Variants in FBXO2 observed in about 807,000 individuals in gnomAD.
FBXO2 encodes the protein F-box only protein 2.
In FBXO2, 32 loss-of-function variants were observed where a neutral mutation model predicts 38.6. The observed-to-expected ratio is 0.83, with a 90% confidence interval of 0.62 to 1.11. FBXO2 has a LOEUF of 1.11. FBXO2 is among the 50% of genes most tolerant of loss of function. FBXO2 has a pLI of 0.00. For synonymous variants in FBXO2, 189 were observed against 182.9 expected (o/e 1.03, Z -0.27); for missense variants, 450 against 418.3 (o/e 1.08, Z -0.66).
intron 2 of FBXO2, 125 bp downstream of exon 2, chr1:11,650,341 T>TG (rs1273119602): frequency 2.1e-6 from 3 of 1,462,554 alleles, no homozygotes; most frequent in Admixed American, 4.5e-5. Flanking sequence ...TAGACAGCCT[T>TG]GGGGCTACCC....
chr1:11,649,018 C>A, intron 5 of FBXO2, 69 bp downstream of exon 5: 1 of 1,394,294 alleles, frequency 7.2e-7, no homozygotes, highest in Non-Finnish European at 9.8e-7. Context: ...GCGCTGTGGG[C>A]GGGGTCTCCT....
intron 1 of FBXO2, among the ~76,000 whole-genome samples, chr1:11,653,715 G>T (rs1639587877): frequency 6.6e-6 from 1 of 152,128 alleles, no homozygotes; most frequent in Non-Finnish European, 1.5e-5. Flanking sequence ...GAGTTGGAGG[G>T]ATGGGGGTGA....
rs558441975 is a variant in FBXO2 at position 11,648,970 on chromosome 1, T to TCTCAG, written c.756+112_756+116dup. ...AACTCTCTCCACCACCCGGTGACTA[T>TCTCAG]CTCAGCCCAGCCCAGCCCAGCCCAC... On this transcript the variant is annotated intron_variant, in intron 5 of 5. Coordinates refer to ENST00000354287, the MANE Select transcript of FBXO2 (RefSeq NM_012168.6). The surrounding 1 kb of genome is among the most constrained non-coding windows in gnomAD (Gnocchi z 4.2). The TCTCAG allele has an allele frequency of 3.2e-4, 294 of 918,274 alleles. 6 individuals carry two copies. In the South Asian group the frequency reaches 4.2e-3, roughly 13 times the overall value. The allele number at this position is 918,274 out of a possible 1,614,324, so 56.9% of individuals were successfully genotyped here. A position where few individuals can be genotyped will look rare whatever the true frequency, so the allele number is the denominator to read the frequency against.
Position 11,648,862 on chromosome 1 carries a change from G to A in FBXO2, c.757-34C>T. 6.2e-7 allele frequency: 1 copy of A among 1,610,982 alleles called. No homozygotes were observed. Among genetic ancestry groups the A allele is most frequent in the South Asian group, 1.1e-5 (1 of 91,022 alleles). ...GGAGGTAACAAGAGTCAGCCTCGGAGGTCCTGAGGCCTCTCCTGCCGCCCC... is the reference window on the plus strand; with the variant it reads ...GGAGGTAACAAGAGTCAGCCTCGGAAGTCCTGAGGCCTCTCCTGCCGCCCC... On this transcript the variant is annotated intron_variant, in intron 5 of 5. Coordinates refer to ENST00000354287, the MANE Select transcript of FBXO2 (RefSeq NM_012168.6). The surrounding 1 kb of genome is among the most constrained non-coding windows in gnomAD (Gnocchi z 4.2).
chr1:11,653,849 GA>G (rs1376962617), intron 1 of FBXO2, among the ~76,000 whole-genome samples: 1 of 152,188 alleles, frequency 6.6e-6, no homozygotes, highest in Non-Finnish European at 1.5e-5. Context: ...CCACCCCGGG[GA>G]GGGGCAGCCC....
In FBXO2 at chr1:11,649,722, C is replaced by T. The variant is rs1639480452; in HGVS notation, c.617+57G>A. On this transcript the variant is annotated intron_variant, in intron 4 of 5. Coordinates refer to ENST00000354287, the MANE Select transcript of FBXO2 (RefSeq NM_012168.6). ...CAGGCGGGGGGTTCCCCAGCTGGCTCTCCCCTCTGCCTTACCCCGCTCCTC... is the reference window on the plus strand; with the variant it reads ...CAGGCGGGGGGTTCCCCAGCTGGCTTTCCCCTCTGCCTTACCCCGCTCCTC... 4 of 1,563,756 alleles carry T rather than the reference C, an allele frequency of 2.6e-6. No individual in the cohort carries two copies. The East Asian group carries it at 6.8e-5, about 27-fold the overall frequency.
At position 11,649,097 on chromosome 1, in the gene FBXO2, C is replaced by T. The variant is rs1314628812; in HGVS notation, c.746G>A (p.Gly249Asp). ...GTCCCCCAGGCTCACCTCCATCCAG[C>T]CCCCGCCGTCACTGTCTTGGGGCAC... ...VAVPQDSDGG[G>D]WMEISHTFTD... is the part of the protein sequence containing the mutation. The change falls in exon 5 of 6, where the codon GGC (glycine) becomes GAC (aspartate). Residue 249 changes from glycine to aspartate, a missense_variant. Physicochemically the swap from Gly to Asp is moderately conservative, Grantham distance 94. Coordinates refer to ENST00000354287, the MANE Select transcript of FBXO2 (RefSeq NM_012168.6). The T allele has an allele frequency of 2.5e-6, 4 of 1,596,430 alleles. No individual in the cohort carries two copies. The highest frequency in any genetic ancestry group is 2.7e-5 in the African/African-American group (2 of 74,342).
At position 11,650,527 on chromosome 1, in the gene FBXO2, C is replaced by A. The variant is rs1472198379; in HGVS notation, c.330G>T (p.Trp110Cys). Residue 110 changes from tryptophan to cysteine, a missense_variant, in exon 2 of 6, where the codon TGG becomes TGT. Coordinates refer to ENST00000354287, the MANE Select transcript of FBXO2 (RefSeq NM_012168.6). ...GCTTGCTCAGGAAGTAGAACTGCTG[C>A]CAGTGGTCGCGCTCCTCCTCCACGC... ...EGGVEEERDH[W>C]QQFYFLSKRR... The A allele has an allele frequency of 6.2e-7, 1 of 1,604,396 alleles. No individual in the cohort carries two copies. The highest frequency in any genetic ancestry group is 8.5e-7 in the Non-Finnish European group (1 of 1,176,574).
At chr1:11,650,097 C>T (rs1639488500) in intron 2 of FBXO2, 23 bp from the exon 3 acceptor site, 1 of 1,613,294 alleles carries the variant, frequency 6.2e-7, no homozygotes, top group Non-Finnish European at 8.5e-7. Flanking sequence ...GACAGCCCCA[C>T]CCTGGTCACT....
chr1:11,649,297 C>T (rs1639474293), intron 4 of FBXO2, 72 bp from the exon 5 acceptor site: 3 of 1,302,476 alleles, frequency 2.3e-6, no homozygotes, highest in African/African-American at 1.5e-5. Flanking sequence ...CTGCTGAACA[C>T]GTCCTGGGGA....
At chr1:11,653,887 G>C (rs2100591851) in intron 1 of FBXO2, 1 of 163,954 alleles carries the variant, frequency 6.1e-6, no homozygotes, top group East Asian at 1.7e-4. Flanking sequence ...TCAGGAGGAA[G>C]GCAGGAATAG....
In FBXO2 at chr1:11,648,669, T is replaced by C; in HGVS notation, c.*25A>G. 1 of 1,611,910 alleles carries C rather than the reference T, an allele frequency of 6.2e-7. No homozygotes were observed. The highest frequency in any genetic ancestry group is 8.5e-7 in the Non-Finnish European group (1 of 1,178,938). On this transcript the variant is annotated 3_prime_UTR_variant, in exon 6 of 6. Transcript: ENST00000354287. This position sits in a 1 kb window ranked among gnomAD's most constrained non-coding sequence, Gnocchi z 4.2. Reference sequence around the variant, plus strand: ...CTCGACCTTTGCCCCTCCAGGCAGCTGGGGGAGAGTGGAGGCAGGGTCGCT... The same window carrying C: ...CTCGACCTTTGCCCCTCCAGGCAGCCGGGGGAGAGTGGAGGCAGGGTCGCT...
intron 1 of FBXO2, among the ~76,000 whole-genome samples, chr1:11,651,968 G>A (rs934338238): frequency 1.3e-5 from 2 of 152,184 alleles, no homozygotes; most frequent in Non-Finnish European, 2.9e-5. Flanking sequence ...CAAAGTGCTG[G>A]GATTAAAGGC....
intron 4 of FBXO2, 25 bp from the exon 5 acceptor site, chr1:11,649,250 G>A: frequency 4.7e-6 from 7 of 1,503,656 alleles, no homozygotes; most frequent in Non-Finnish European, 6.3e-6. Context: ...GGAGCGAGGT[G>A]GGGGGCGGGA....
At chr1:11,650,126 G>A (rs1464445073) in intron 2 of FBXO2, 52 bp from the exon 3 acceptor site, 3 of 1,604,036 alleles carry the variant, frequency 1.9e-6, no homozygotes, top group Admixed American at 1.7e-5. Context: ...GCTAAGGCTG[G>A]CTCTTGCCAC....
At chr1:11,654,114 G>T (rs541875814) in intron 1 of FBXO2, 186 of 493,020 alleles carry the variant, frequency 3.8e-4, no homozygotes, top group African/African-American at 3.5e-3. Context: ...CTCTCTCCTT[G>T]CCAGTCGCCT....
chr1:11,650,164 G>C (rs72869709), intron 2 of FBXO2, 90 bp from the exon 3 acceptor site: 48,073 of 1,554,072 alleles, frequency 0.031, 1,759 homozygotes, highest in African/African-American at 0.18. Context: ...GGCAAAGGTC[G>C]CACTTGGTGT....
In FBXO2 at chr1:11,654,396, C is replaced by G; in HGVS notation, c.-56G>C. On this transcript the variant is annotated 5_prime_UTR_variant, in exon 1 of 6. Coordinates refer to ENST00000354287, the MANE Select transcript of FBXO2 (RefSeq NM_012168.6). ...CCGGAGCGCTGCGGGCTGCGCGAGT[C>G]CCGGGGCGGCGAGTCCCGGCGCTGT... 1 of 1,338,318 alleles carries G rather than the reference C, an allele frequency of 7.5e-7. No individual in the cohort carries two copies. The highest frequency in any genetic ancestry group is 1.5e-5 in the African/African-American group (1 of 65,000). The allele number at this position is 1,338,318 out of a possible 1,614,324, so 82.9% of individuals were successfully genotyped here. A position where few individuals can be genotyped will look rare whatever the true frequency, so the allele number is the denominator to read the frequency against.
intron 4 of FBXO2, 82 bp downstream of exon 4, chr1:11,649,697 C>T (rs973576630): frequency 6.8e-7 from 1 of 1,460,024 alleles, no homozygotes; most frequent in Non-Finnish European, 9.5e-7. Context: ...GCAGCACCCC[C>T]AGGCGGGGGG....
Sources: gnomAD v4.1 joint callset for allele counts (sites outside exome capture counted in the v4.1 genomes callset) on GRCh38, gnomAD v4.1.1 for gene constraint, Gnocchi (gnomAD v3.1) non-coding constraint, MANE v1.5 for transcripts, NCBI Gene and HGNC (gene_info 2026-07-23, HGNC 2026-07-21) for gene names.